Variants in EFCAB13 observed in about 807,000 individuals in gnomAD.
The protein encoded by EFCAB13 is EF-hand calcium binding domain 13.
In EFCAB13, 91 loss-of-function variants were observed where a neutral mutation model predicts 110.2. The ratio of observed to expected loss-of-function variants is 0.83; its 90% CI spans 0.70 to 0.98. The LOEUF is 0.98. Among genes scored for constraint, EFCAB13 ranks in the 50% least tolerant of loss-of-function variants. The pLI is 0.00. For synonymous variants in EFCAB13, 323 were observed against 369.9 expected (o/e 0.87, Z 1.45); for missense variants, 968 against 1,119.4 (o/e 0.86, Z 1.93).
chr17:47,341,710 A>T (rs575652846), intron 5 of EFCAB13, among the ~76,000 whole-genome samples: 1 of 152,318 alleles, frequency 6.6e-6, no homozygotes, highest in African/African-American at 2.4e-5. Context: ...TAAAATCTTT[A>T]CAGATGGAAA....
Position 47,370,419 on chromosome 17 carries a change from G to C in EFCAB13, c.806-18G>C. ...ATGTTCAAAAGTAAATACAGTATTT[G>C]AACTTATTCTATTACAGGTAACCAC... On this transcript the variant is annotated intron_variant, in intron 10 of 24. Coordinates refer to ENST00000331493, the MANE Select transcript of EFCAB13 (RefSeq NM_152347.5). 1 of 1,494,604 alleles carries C rather than the reference G, an allele frequency of 6.7e-7. No homozygotes were observed. The highest frequency in any genetic ancestry group is 9.3e-7 in the Non-Finnish European group (1 of 1,073,366). 92.6% of individuals were successfully genotyped at this position (1,494,604 alleles called of 1,614,324 possible).
intron 22 of EFCAB13, among the ~76,000 whole-genome samples, chr17:47,414,508 A>T (rs1269133184): frequency 6.8e-6 from 1 of 146,252 alleles, no homozygotes; most frequent in Non-Finnish European, 1.5e-5. Context: ...GCGAGACTCC[A>T]TCTCAAAAAA....
intron 8 of EFCAB13, 72 bp from the exon 9 acceptor site, chr17:47,347,736 T>C: frequency 8.3e-7 from 1 of 1,199,006 alleles, no homozygotes; most frequent in Non-Finnish European, 1.1e-6. Flanking sequence ...TATTATTTTT[T>C]TGAGAGTGGG....
intron 2 of EFCAB13, among the ~76,000 whole-genome samples, chr17:47,325,920 CAAAATA>C (rs1236689005): frequency 1.4e-4 from 7 of 48,352 alleles, no homozygotes; most frequent in African/African-American, 6.5e-4. Flanking sequence ...TATATATAAA[CAAAATA>C]TATATATATA....
intron 23 of EFCAB13, among the ~76,000 whole-genome samples, chr17:47,421,783 C>T (rs1904729292): frequency 6.6e-6 from 1 of 152,118 alleles, no homozygotes; most frequent in Non-Finnish European, 1.5e-5. Flanking sequence ...AGAATAAATT[C>T]CTTGAAAAAC....
intron 4 of EFCAB13, among the ~76,000 whole-genome samples, chr17:47,331,351 CA>C (rs1251929259): frequency 6.6e-6 from 1 of 151,994 alleles, no homozygotes; most frequent in Non-Finnish European, 1.5e-5. Flanking sequence ...TTGCCTAAGC[CA>C]GTGTCCAGAA....
In EFCAB13 at chr17:47,429,839, C is replaced by T. The variant is rs371828953; in HGVS notation, c.2516C>T (p.Thr839Ile). Residue 839 changes from threonine (T) to isoleucine (I), a missense_variant, in exon 24 of 25, where the codon ACT becomes ATT. Physicochemically the swap from Thr to Ile is moderately conservative, Grantham distance 89. Transcript: ENST00000331493. ...KSKATQILLATTQILQNDLVD... is the reference protein window; with the variant it reads ...KSKATQILLAITQILQNDLVD... ...GCAGCTACACAGATACTCTTAGCTA[C>T]TACCCAAATTCTCCAGAATGATCTA... 8.1e-6 allele frequency: 13 copies of T among 1,608,160 alleles called. No individual in the cohort carries two copies. In the African/African-American group the frequency reaches 1.7e-4, roughly 22 times the overall value.
chr17:47,397,353 G>A (rs929846964), intron 17 of EFCAB13, among the ~76,000 whole-genome samples: 40 of 152,218 alleles, frequency 2.6e-4, no homozygotes, highest in Middle Eastern at 3.4e-3. Context: ...GCATGATCTC[G>A]GCTCGCTACA....
At chr17:47,388,878 T>C (rs1010940016) in intron 14 of EFCAB13, among the ~76,000 whole-genome samples, 6 of 152,132 alleles carry the variant, frequency 3.9e-5, no homozygotes, top group Admixed American at 3.9e-4. Flanking sequence ...CAACAATGTA[T>C]GAGGATTCTA....
At chr17:47,416,036 A>G (rs1325858772) in intron 23 of EFCAB13, among the ~76,000 whole-genome samples, 1 of 152,170 alleles carries the variant, frequency 6.6e-6, no homozygotes, top group Non-Finnish European at 1.5e-5. Flanking sequence ...TTGGTGAAAC[A>G]AATGTCTTTG....
chr17:47,400,964 T>C (rs1476301693), intron 17 of EFCAB13, among the ~76,000 whole-genome samples: 4 of 152,188 alleles, frequency 2.6e-5, no homozygotes, highest in Admixed American at 2.0e-4. Context: ...TATAAAAGTA[T>C]AAAAGAAGCA....
Position 47,374,838 on chromosome 17 carries a change from G to A in EFCAB13, c.1244G>A (p.Ser415Asn), listed in dbSNP as rs2065605345. The change falls in exon 12 of 25, where the codon AGC (serine) becomes AAC (asparagine). Residue 415 changes from serine to asparagine, a missense_variant. By Grantham distance (46) the Ser-to-Asn change is conservative (BLOSUM62 1). Coordinates refer to ENST00000331493, the MANE Select transcript of EFCAB13 (RefSeq NM_152347.5). Reference protein sequence around the residue: ...SKPQSLKSSTSLSKSLDKSDI... With the variant: ...SKPQSLKSSTNLSKSLDKSDI... The stretch of plus-strand genomic sequence containing the variant: ...CCACAAAGCTTGAAGAGTAGTACAA[G>A]CCTCAGTAAGTCTCTGGATAAAAGT... The A allele has an allele frequency of 3.1e-6, 5 of 1,613,920 alleles. No homozygotes were observed. The highest frequency in any genetic ancestry group is 4.2e-6 in the Non-Finnish European group (5 of 1,179,972).
intron 8 of EFCAB13, 86 bp downstream of exon 8, chr17:47,345,184 C>A: frequency 1.1e-6 from 1 of 914,366 alleles, no homozygotes; most frequent in Non-Finnish European, 1.7e-6. Context: ...GCCTCTTCAT[C>A]TACTCCTAAT....
intron 21 of EFCAB13, 24 bp from the exon 22 acceptor site, chr17:47,412,749 G>A: frequency 3.1e-6 from 5 of 1,597,622 alleles, no homozygotes; most frequent in Non-Finnish European, 4.3e-6. Context: ...CACCATAATA[G>A]CTTGTGTACA....
rs192371953 is a variant in EFCAB13 at position 47,365,237 on chromosome 17, C to T, written c.805+3716C>T. Among the ~76,000 whole-genome samples, 79 of 152,222 alleles carry T rather than the reference C, an allele frequency of 5.2e-4. 2 individuals are homozygous for T. Among genetic ancestry groups the T allele is most frequent in the African/African-American group, 1.9e-3 (77 of 41,532 alleles). ...CGTGGTGCTTATAGCACATATTAAC[C>T]GCTCAACAAATATTTGTTGAATGAA... On this transcript the variant is annotated intron_variant, in intron 10 of 24. Coordinates refer to ENST00000331493, the MANE Select transcript of EFCAB13 (RefSeq NM_152347.5).
intron 20 of EFCAB13, among the ~76,000 whole-genome samples, chr17:47,405,211 TAATA>T (rs1343473490): frequency 3.3e-5 from 5 of 152,228 alleles, no homozygotes; most frequent in Non-Finnish European, 7.4e-5. Context: ...ACAATACTTT[TAATA>T]AATATTTAGG....
intron 21 of EFCAB13, 71 bp from the exon 22 acceptor site, chr17:47,412,702 T>A (rs1567802899): frequency 1.4e-6 from 2 of 1,386,564 alleles, no homozygotes; most frequent in Non-Finnish European, 9.8e-7. Context: ...GGTTTACCTA[T>A]GGTAGATTTT....
rs60444690 is a variant in EFCAB13, at chr17:47,324,048, G to C, written c.-344G>C. On this transcript the variant is annotated 5_prime_UTR_variant, in exon 1 of 25. Coordinates refer to ENST00000331493, the MANE Select transcript of EFCAB13 (RefSeq NM_152347.5). ...ACAGAGAGCGCGGGGGCCTCCAGCC[G>C]AGAGGAAGGGAGGGCAGCTCGGGCC... 6.5e-6 allele frequency: 1 copy of C among 152,688 alleles called. No individual in the cohort carries two copies. Among genetic ancestry groups the C allele is most frequent in the African/African-American group, 2.4e-5 (1 of 41,420 alleles). 9.5% of individuals were successfully genotyped at this position (152,688 alleles called of 1,614,324 possible).
intron 16 of EFCAB13, among the ~76,000 whole-genome samples, chr17:47,395,569 C>A (rs2065732625): frequency 6.6e-6 from 1 of 152,016 alleles, no homozygotes; most frequent in Non-Finnish European, 1.5e-5. Context: ...AATCTAACTT[C>A]AATAAAAATT....
Sources: gnomAD v4.1 joint callset for allele counts (sites outside exome capture counted in the v4.1 genomes callset) on GRCh38, gnomAD v4.1.1 for gene constraint, MANE v1.5 for transcripts, NCBI Gene and HGNC (gene_info 2026-07-23, HGNC 2026-07-21) for gene names.